TXNDC15: variants seen among roughly 807,000 people sequenced by gnomAD.
TXNDC15 encodes thioredoxin domain containing 15.
In TXNDC15, 24 loss-of-function variants were observed where a neutral mutation model predicts 35.0. The ratio of observed to expected loss-of-function variants is 0.68; its 90% CI spans 0.50 to 0.96. TXNDC15 has a LOEUF of 0.96. TXNDC15 is among the 40% of genes least tolerant of loss of function. TXNDC15 has a pLI of 0.00. For missense variants in TXNDC15, 385 were observed against 453.3 expected, an observed-to-expected ratio of 0.85 and a Z score of 1.37; for synonymous variants, 169 against 174.0, an observed-to-expected ratio of 0.97 and a Z score of 0.23.
intron 2 of TXNDC15, among the ~76,000 whole-genome samples, chr5:134,889,476 G>T (rs1750345496): frequency 6.6e-6 from 1 of 152,174 alleles, no homozygotes; most frequent in Admixed American, 6.5e-5. Flanking sequence ...TGCCCTCTTT[G>T]GCCTCCCAGA....
upstream of TXNDC15, chr5:134,874,216 G>A (rs1478891420): frequency 3.8e-6 from 2 of 531,828 alleles, no homozygotes; most frequent in Admixed American, 3.8e-5. Context: ...AACGTCTGGC[G>A]CTTAGCTCCT....
At chr5:134,876,071 C>T (rs927536296) in intron 1 of TXNDC15, among the ~76,000 whole-genome samples, 2 of 152,180 alleles carry the variant, frequency 1.3e-5, no homozygotes, top group African/African-American at 4.8e-5. Flanking sequence ...GGTCATACAG[C>T]CAGAAGTTGA....
At position 134,899,834 on chromosome 5, in the gene TXNDC15, A is replaced by G; in HGVS notation, c.*149A>G. ...ATTTGTTGAACAACTGAATGTATAA[A>G]AAAATTATAAACTGGTGTTTTAACT... On this transcript the variant is annotated 3_prime_UTR_variant, in exon 5 of 5. Coordinates refer to ENST00000358387, the MANE Select transcript of TXNDC15 (RefSeq NM_024715.4). 1.6e-6 allele frequency: 1 copy of G among 638,988 alleles called. No individual in the cohort carries two copies. Among genetic ancestry groups the G allele is most frequent in the East Asian group, 3.1e-5 (1 of 32,170 alleles). 39.6% of individuals were successfully genotyped at this position (638,988 alleles called of 1,614,324 possible). A position where few individuals can be genotyped will look rare whatever the true frequency, so the allele number is the denominator to read the frequency against.
At chr5:134,877,929 C>T (rs933320583) in intron 1 of TXNDC15, among the ~76,000 whole-genome samples, 4 of 152,156 alleles carry the variant, frequency 2.6e-5, no homozygotes, top group Non-Finnish European at 5.9e-5. Context: ...CCCGTCACTA[C>T]ACCCCGGCTA....
Position 134,888,090 on chromosome 5 carries a change from A to G in TXNDC15, c.499A>G (p.Thr167Ala), listed in dbSNP as rs1299132280. 1.2e-6 allele frequency: 2 copies of G among 1,614,214 alleles called. No homozygotes were observed. ...AGCCCCGACAGAGGACTCCAATAAC[A>G]CTGAAAGTCTGAAATCCCCAAAGGT... ...DAAPTEDSNN[T>A]ESLKSPKVNC... is the part of the protein sequence containing the mutation. Residue 167 changes from threonine to alanine, a missense_variant, in exon 2 of 5, where the codon ACT becomes GCT. By Grantham distance (58) the Thr-to-Ala change is moderately conservative. Transcript: ENST00000358387.
intron 2 of TXNDC15, among the ~76,000 whole-genome samples, chr5:134,889,229 C>T (rs541575052): frequency 5.8e-4 from 88 of 152,200 alleles, no homozygotes; most frequent in African/African-American, 2.0e-3. Context: ...ACGGTGTACC[C>T]TTTTTCTTTT....
intron 1 of TXNDC15, chr5:134,875,176 C>G: frequency 2.2e-6 from 1 of 456,274 alleles, no homozygotes; most frequent in Non-Finnish European, 4.4e-6. Context: ...TCCCGGTAAC[C>G]CCCAACTTGC....
chr5:134,889,404 A>G (rs1750343359), intron 2 of TXNDC15, among the ~76,000 whole-genome samples: 1 of 152,076 alleles, frequency 6.6e-6, no homozygotes, highest in Non-Finnish European at 1.5e-5. Context: ...TTGTATTTTT[A>G]GTGGAAACGA....
chr5:134,893,620 T>C lies in TXNDC15; in HGVS notation c.720T>C (p.Leu240=). 2 of 1,614,224 alleles carry C rather than the reference T, an allele frequency of 1.2e-6. No individual in the cohort carries two copies. Among genetic ancestry groups the C allele is most frequent in the Non-Finnish European group, 1.7e-6 (2 of 1,180,032 alleles). The change falls in exon 3 of 5, where the codon CTT becomes CTC. Residue 240 remains leucine (L), a synonymous_variant. Transcript: ENST00000358387. ...FNSLPRAFPA[L]HFLALDASQH... ...CTCTGCCCCGGGCATTTCCAGCTCTTCACTTTTTGGCACTGGATGCATCTC... is the reference window on the plus strand; with the variant it reads ...CTCTGCCCCGGGCATTTCCAGCTCTCCACTTTTTGGCACTGGATGCATCTC...
rs551090955 is a variant in TXNDC15 at position 134,882,467 on chromosome 5, G to A, written c.104-5228G>A. Among the ~76,000 whole-genome samples the A allele has an allele frequency of 5.6e-3, 855 of 152,302 alleles. 6 individuals are homozygous for A. The highest frequency in any genetic ancestry group is 0.02 in the African/African-American group (815 of 41,572). On this transcript the variant is annotated intron_variant, in intron 1 of 4. Transcript: ENST00000358387. The stretch of plus-strand genomic sequence containing the variant: ...GCGGCCGGGCAGAGGCTGCAATCTC[G>A]GCACTTTGGGAGGCCAAGGCAGGCT...
chr5:134,881,765 C>T (rs1431971944), intron 1 of TXNDC15, among the ~76,000 whole-genome samples: 12 of 145,016 alleles, frequency 8.3e-5, no homozygotes, highest in South Asian at 4.5e-4. Context: ...TAGGGGCGGC[C>T]GGGCAGAGGC....
rs1750594455 is a variant in TXNDC15, at chr5:134,901,195, A to AGAGTAGTT, written c.*1513_*1520dup. 1 of 152,218 alleles carries AGAGTAGTT rather than the reference A, an allele frequency of 6.6e-6. No homozygotes were observed. The highest frequency in any genetic ancestry group is 1.5e-5 in the Non-Finnish European group (1 of 68,046). The allele number at this position is 152,218 out of a possible 1,614,324, so 9.4% of individuals were successfully genotyped here. A position where few individuals can be genotyped will look rare whatever the true frequency, so the allele number is the denominator to read the frequency against. ...TTATACTAATTGTTTCCAGGGTTTT[A>AGAGTAGTT]GAGTAGTTGAATGTTTATTTCACAA... is the stretch of plus-strand genomic sequence containing the variant. On this transcript the variant is annotated 3_prime_UTR_variant, in exon 5 of 5. Coordinates refer to ENST00000358387, the MANE Select transcript of TXNDC15 (RefSeq NM_024715.4).
At position 134,899,677 on chromosome 5, in the gene TXNDC15, G is replaced by A. The variant is rs764535386; in HGVS notation, c.1075G>A (p.Val359Met). 3.7e-6 allele frequency: 6 copies of A among 1,605,374 alleles called. No individual in the cohort carries two copies. Among genetic ancestry groups the A allele is most frequent in the African/African-American group, 1.3e-5 (1 of 74,488 alleles). ...WLIPGQEQEH[V>M]E is the part of the protein sequence containing the mutation. ...AATTCCAGGACAAGAGCAGGAACATGTGGAGTAGTGATGGTCTGAAAGAAG... is the reference window on the plus strand; with the variant it reads ...AATTCCAGGACAAGAGCAGGAACATATGGAGTAGTGATGGTCTGAAAGAAG... Residue 359 changes from valine (V) to methionine (M), a missense_variant, in exon 5 of 5, where the codon GTG becomes ATG. Coordinates refer to ENST00000358387, the MANE Select transcript of TXNDC15 (RefSeq NM_024715.4).
chr5:134,899,688 A>T lies in TXNDC15; in HGVS notation c.*3A>T. 1 of 1,579,018 alleles carries T rather than the reference A, an allele frequency of 6.3e-7. No homozygotes were observed. The highest frequency in any genetic ancestry group is 1.4e-5 in the African/African-American group (1 of 73,198). On this transcript the variant is annotated 3_prime_UTR_variant, in exon 5 of 5. Transcript: ENST00000358387. Reference sequence around the variant, plus strand: ...AAGAGCAGGAACATGTGGAGTAGTGATGGTCTGAAAGAAGTTGGAAAGAGG... The same window carrying T: ...AAGAGCAGGAACATGTGGAGTAGTGTTGGTCTGAAAGAAGTTGGAAAGAGG...
intron 1 of TXNDC15, among the ~76,000 whole-genome samples, chr5:134,877,021 A>G (rs953679481): frequency 6.6e-6 from 1 of 152,068 alleles, no homozygotes; most frequent in Non-Finnish European, 1.5e-5. Flanking sequence ...AATAACTACA[A>G]ATTACTAAGA....
At chr5:134,881,340 C>T (rs1314290561) in intron 1 of TXNDC15, among the ~76,000 whole-genome samples, 8 of 110,402 alleles carry the variant, frequency 7.2e-5, no homozygotes, top group African/African-American at 2.9e-4. Flanking sequence ...TGCGGCCTTC[C>T]GCAGTGTTTG....
intron 1 of TXNDC15, among the ~76,000 whole-genome samples, chr5:134,887,163 C>G (rs2150187254): frequency 6.6e-6 from 1 of 152,086 alleles, no homozygotes; most frequent in East Asian, 1.9e-4. Flanking sequence ...TATTATTTGA[C>G]ATTCATTATT....
chr5:134,897,830 G>A (rs1472714991), intron 4 of TXNDC15, among the ~76,000 whole-genome samples: 1 of 151,744 alleles, frequency 6.6e-6, no homozygotes, highest in Non-Finnish European at 1.5e-5. Context: ...CCAACATGGC[G>A]AAACCCTGTC....
intron 1 of TXNDC15, among the ~76,000 whole-genome samples, chr5:134,882,061 T>C (rs13153110): frequency 1.1e-4 from 15 of 137,730 alleles, no homozygotes; most frequent in East Asian, 4.6e-4. Context: ...GGGTGGCTGC[T>C]GGGCGGAGGG....
Sources: allele counts gnomAD v4.1 joint callset (sites outside exome capture counted in the v4.1 genomes callset), GRCh38; gene constraint gnomAD v4.1.1; transcripts MANE v1.5; gene names NCBI Gene and HGNC (gene_info 2026-07-23, HGNC 2026-07-21).